Variants in CLASP2 observed in about 807,000 individuals in gnomAD.
The protein encoded by CLASP2 is CLIP-associating protein 2.
CLASP2 carries 47 observed loss-of-function variants against 194.4 expected under a neutral mutation model. That is an observed-to-expected ratio of 0.24 (90% CI 0.19 to 0.31). The LOEUF (loss-of-function observed/expected upper bound fraction) is 0.31, where lower values mean the gene tolerates loss of function less well. CLASP2 is among the 10% of genes least tolerant of loss of function. The pLI, the probability that CLASP2 is intolerant of heterozygous loss-of-function variation, is 1.00. For missense variants in CLASP2, 1,445 were observed against 1,823.6 expected (o/e 0.79, Z 3.78); for synonymous variants, 619 against 633.5 (o/e 0.98, Z 0.34).
chr3:33,690,195 G>A (rs988893722), intron 2 of CLASP2, among the ~76,000 whole-genome samples: 2 of 152,062 alleles, frequency 1.3e-5, no homozygotes, highest in Admixed American at 6.6e-5. Context: ...ATGTATAGAC[G>A]AGGGGACAAG....
At chr3:33,552,456 G>A (rs1171852327) in intron 29 of CLASP2, among the ~76,000 whole-genome samples, 1 of 152,132 alleles carries the variant, frequency 6.6e-6, no homozygotes, top group African/African-American at 2.4e-5. Flanking sequence ...TGCATGGAAG[G>A]CAGATGTTTG....
chr3:33,708,506 G>GTATATATATATGTGTGTATGTATA (rs200209597), intron 1 of CLASP2, among the ~76,000 whole-genome samples: 3 of 58,520 alleles, frequency 5.1e-5, no homozygotes, highest in Non-Finnish European at 9.4e-5. Context: ...ATATATATAT[G>GTATATATATATGTGTGTATGTATA]TATATATATG....
intron 15 of CLASP2, 21 bp downstream of exon 15, chr3:33,607,363 A>T (rs770005816): frequency 6.5e-7 from 1 of 1,542,374 alleles, no homozygotes; most frequent in Admixed American, 2.1e-5. Context: ...ACTGTCACAA[A>T]ACTATACTAC....
In CLASP2 at chr3:33,584,837, C is replaced by A; in HGVS notation, c.2152G>T (p.Val718Phe). ...CTTTTTTGTGCTGAGGCTGAATTGA[C>A]CAGGACTCTTTGAACACCAGAGCTC... Reference protein sequence around the residue: ...TVSSGVQRVLVNSASAQKRSK... With the variant: ...TVSSGVQRVLFNSASAQKRSK... The change falls in exon 22 of 39, where the codon GTC becomes TTC. Residue 718 changes from valine (V) to phenylalanine (F), a missense_variant. Coordinates refer to ENST00000682230, the MANE Select transcript of CLASP2 (RefSeq NM_001365631.1). The A allele has an allele frequency of 6.2e-7, 1 of 1,613,732 alleles. No individual in the cohort carries two copies. Among genetic ancestry groups the A allele is most frequent in the Non-Finnish European group, 8.5e-7 (1 of 1,179,870 alleles).
chr3:33,702,367 A>G (rs1191902655), intron 1 of CLASP2, among the ~76,000 whole-genome samples: 2 of 152,202 alleles, frequency 1.3e-5, no homozygotes, highest in African/African-American at 4.8e-5. Context: ...CAAGGGTGTC[A>G]AGACCATTCA....
chr3:33,550,141 C>T (rs1272643116), intron 30 of CLASP2, among the ~76,000 whole-genome samples: 1 of 152,024 alleles, frequency 6.6e-6, no homozygotes, highest in Non-Finnish European at 1.5e-5. Context: ...CAGTGGCTCA[C>T]ATCTGTAATC....
chr3:33,508,656 C>T (rs1395597036), intron 37 of CLASP2, among the ~76,000 whole-genome samples: 2 of 152,134 alleles, frequency 1.3e-5, no homozygotes, highest in Non-Finnish European at 2.9e-5. Flanking sequence ...TCAATAATTT[C>T]TTCTGAATTT....
intron 29 of CLASP2, among the ~76,000 whole-genome samples, chr3:33,551,654 G>C (rs1278799946): frequency 6.6e-6 from 1 of 152,116 alleles, no homozygotes; most frequent in African/African-American, 2.4e-5. Flanking sequence ...CCTACCTGAG[G>C]TACAAGTATA....
At chr3:33,565,711 C>T (rs1055300571) in intron 27 of CLASP2, among the ~76,000 whole-genome samples, 5 of 151,932 alleles carry the variant, frequency 3.3e-5, no homozygotes, top group Admixed American at 6.6e-5. Flanking sequence ...ACTCAGGAGG[C>T]TGAGGCAGGA....
intron 6 of CLASP2, among the ~76,000 whole-genome samples, chr3:33,679,210 G>A (rs950281330): frequency 6.6e-6 from 1 of 152,104 alleles, no homozygotes; most frequent in East Asian, 1.9e-4. Flanking sequence ...TCTAGATACA[G>A]ACCTACATCC....
chr3:33,577,176 A>G (rs1212865644), intron 23 of CLASP2: 1 of 1,529,502 alleles, frequency 6.5e-7, no homozygotes, highest in Non-Finnish European at 8.9e-7. Context: ...ATGCCAGATG[A>G]TAGTGAAAAT....
rs2070488038 is a variant in CLASP2 at position 33,596,694 on chromosome 3, G to C, written c.1948+17C>G. ...TCCATAAAAATCTTTAGTAGAATTA[G>C]GAAAGGAAGTTCTTACCATCCAGCT... On this transcript the variant is annotated intron_variant, in intron 19 of 38. Transcript: ENST00000682230. The C allele has an allele frequency of 6.4e-7, 1 of 1,551,580 alleles. No individual in the cohort carries two copies. The highest frequency in any genetic ancestry group is 8.8e-7 in the Non-Finnish European group (1 of 1,141,544).
intron 12 of CLASP2, among the ~76,000 whole-genome samples, chr3:33,617,196 A>G (rs1330386673): frequency 2.6e-5 from 4 of 152,106 alleles, no homozygotes; most frequent in African/African-American, 7.2e-5. Flanking sequence ...AAATAGTGAA[A>G]AAGAACACTT....
At position 33,559,293 on chromosome 3, in the gene CLASP2, T is replaced by C. The variant is rs1221452043; in HGVS notation, c.3009+14A>G. On this transcript the variant is annotated intron_variant, in intron 29 of 38. Coordinates refer to ENST00000682230, the MANE Select transcript of CLASP2 (RefSeq NM_001365631.1). ...AATTCTTTATAATGTCTTCAAAAGA[T>C]CTCAAAGTTTTACCTTTAAGCTTGG... The C allele has an allele frequency of 1.4e-6, 2 of 1,449,732 alleles. No individual in the cohort carries two copies. Among genetic ancestry groups the C allele is most frequent in the Admixed American group, 1.8e-5 (1 of 55,224 alleles). The allele number at this position is 1,449,732 out of a possible 1,614,324, so 89.8% of individuals were successfully genotyped here.
chr3:33,602,227 T>C (rs1481237674), intron 18 of CLASP2, among the ~76,000 whole-genome samples: 1 of 152,150 alleles, frequency 6.6e-6, no homozygotes, highest in African/African-American at 2.4e-5. Context: ...TTGGCCAGGC[T>C]GGTCACGAAC....
chr3:33,641,485 C>T (rs1311810148), intron 8 of CLASP2, among the ~76,000 whole-genome samples: 4 of 151,428 alleles, frequency 2.6e-5, no homozygotes. Flanking sequence ...TAGCCATAGC[C>T]TTTTTTTCAA....
At chr3:33,566,322 TG>T (rs1480180390) in intron 27 of CLASP2, among the ~76,000 whole-genome samples, 3 of 152,240 alleles carry the variant, frequency 2.0e-5, no homozygotes, top group East Asian at 1.9e-4. Flanking sequence ...AGGGGTTAAA[TG>T]TTTTTTTAAA....
rs761135508 is a variant in CLASP2, at chr3:33,573,499, A to AT, written c.2455-146dup. On this transcript the variant is annotated intron_variant, in intron 24 of 38. Transcript: ENST00000682230. ...ATCATTGTAATAACAGAATGTCAGT[A>AT]TTTAGTTTTTCTTCAGAAAACAAGT... is the stretch of plus-strand genomic sequence containing the variant. 70 of 868,912 alleles carry AT rather than the reference A, an allele frequency of 8.1e-5. No individual in the cohort carries two copies. The African/African-American group carries it at 9.6e-4, about 12-fold the overall frequency. 53.8% of individuals were successfully genotyped at this position (868,912 alleles called of 1,614,324 possible).
At chr3:33,603,172 A>AATTTC in intron 17 of CLASP2, 47 bp from the exon 18 acceptor site, 1 of 1,478,726 alleles carries the variant, frequency 6.8e-7, no homozygotes, top group Non-Finnish European at 9.0e-7. Flanking sequence ...AAATCACTGA[A>AATTTC]AACATGAAAA....
Sources: gnomAD v4.1 joint callset for allele counts (sites outside exome capture counted in the v4.1 genomes callset) on GRCh38, gnomAD v4.1.1 for gene constraint, MANE v1.5 for transcripts, NCBI Gene and HGNC (gene_info 2026-07-23, HGNC 2026-07-21) for gene names.